CFAP99: variants seen among roughly 807,000 people sequenced by gnomAD.
The protein encoded by CFAP99 is cilia and flagella associated protein 99.
In CFAP99, 84 loss-of-function variants were observed where a neutral mutation model predicts 82.7. The ratio of observed to expected loss-of-function variants is 1.02; its 90% confidence interval spans 0.85 to 1.22. CFAP99 has a LOEUF of 1.22. Ranked by LOEUF, CFAP99 falls within the 50% of genes most tolerant of loss-of-function variation. The probability of loss-of-function intolerance (pLI) is 0.00; values close to 1 mark genes in which losing one functional copy is unlikely to be tolerated. For missense variants in CFAP99, 1,059 were observed against 983.5 expected (o/e 1.08, Z -1.03); for synonymous variants, 456 against 429.5 (o/e 1.06, Z -0.76).
intron 13 of CFAP99, 119 bp from the exon 14 acceptor site, chr4:2,459,918 T>C (rs752873160): frequency 1.7e-5 from 14 of 834,892 alleles, no homozygotes; most frequent in South Asian, 3.0e-5. Flanking sequence ...TCATAAGCAG[T>C]GTTGAAGCAG....
intron 6 of CFAP99, 54 bp downstream of exon 6, chr4:2,445,362 G>C: frequency 7.8e-7 from 1 of 1,275,108 alleles, no homozygotes; most frequent in South Asian, 2.8e-5. Context: ...GGGTAGCCAA[G>C]CTGGGAGAGT....
intron 4 of CFAP99, among the ~76,000 whole-genome samples, chr4:2,439,171 C>T (rs867811642): frequency 5.3e-5 from 8 of 152,230 alleles, no homozygotes; most frequent in South Asian, 2.1e-4. Context: ...ATTCTTACAA[C>T]GACCCAGTGA....
At chr4:2,433,932 G>T (rs1290563915) in intron 2 of CFAP99, among the ~76,000 whole-genome samples, 2 of 152,230 alleles carry the variant, frequency 1.3e-5, no homozygotes, top group African/African-American at 2.4e-5. Context: ...TGGCCACGGT[G>T]AGGAAGGACG....
At chr4:2,438,103 A>T (rs1363296501) in exon 4 of CFAP99, 2 of 1,535,262 alleles carry the variant, frequency 1.3e-6, no homozygotes, top group Non-Finnish European at 1.7e-6. Context: ...CTGCTGGAGG[A>T]ACTCGGCTTC....
intron 11 of CFAP99, among the ~76,000 whole-genome samples, chr4:2,456,574 C>T (rs892338765): frequency 6.6e-6 from 1 of 152,128 alleles, no homozygotes; most frequent in Non-Finnish European, 1.5e-5. Context: ...GGCTGGAGTG[C>T]AATGGTGCGA....
intron 1 of CFAP99, among the ~76,000 whole-genome samples, chr4:2,426,258 T>C (rs733033): frequency 0.31 from 46,786 of 151,836 alleles, 8,186 homozygotes; most frequent in East Asian, 0.52. Context: ...GACATGCACC[T>C]TGGGGTACCT....
exon 12 of CFAP99, chr4:2,458,745 G>T: frequency 2.0e-6 from 3 of 1,535,304 alleles, no homozygotes; most frequent in Non-Finnish European, 2.6e-6. Context: ...ATGCTGCAGC[G>T]TGCAGAGAGA....
chr4:2,424,256 T>TA (rs1323937628), intron 1 of CFAP99, among the ~76,000 whole-genome samples: 2 of 152,088 alleles, frequency 1.3e-5, no homozygotes, highest in East Asian at 3.9e-4. Flanking sequence ...CTGTCTCTCC[T>TA]AAAAAAATAC....
At chr4:2,451,778 C>T (rs1734309008) in intron 10 of CFAP99, among the ~76,000 whole-genome samples, 3 of 152,060 alleles carry the variant, frequency 2.0e-5, no homozygotes, top group South Asian at 2.1e-4. Context: ...GTGGAGTGGA[C>T]GCACAGATGG....
At chr4:2,424,055 T>C (rs1025222940) in intron 1 of CFAP99, among the ~76,000 whole-genome samples, 16 of 152,256 alleles carry the variant, frequency 1.1e-4, no homozygotes, top group African/African-American at 3.9e-4. Flanking sequence ...GCCTTTCTTC[T>C]GGCCTCCTTA....
At chr4:2,459,461 C>T (rs1409412568) in intron 13 of CFAP99, among the ~76,000 whole-genome samples, 2 of 152,224 alleles carry the variant, frequency 1.3e-5, no homozygotes, top group Non-Finnish European at 2.9e-5. Context: ...GCGGGCAAGG[C>T]ACACACTTAG....
intron 2 of CFAP99, among the ~76,000 whole-genome samples, chr4:2,432,709 T>C (rs1381417439): frequency 6.6e-6 from 1 of 152,204 alleles, no homozygotes; most frequent in East Asian, 1.9e-4. Flanking sequence ...CCCTTTGCTA[T>C]TGAGTGCCTG....
chr4:2,458,955 T>G (rs953711848), intron 12 of CFAP99, 91 bp downstream of exon 12: 22 of 1,468,922 alleles, frequency 1.5e-5, no homozygotes, highest in Non-Finnish European at 1.9e-5. Flanking sequence ...CCACTATGGC[T>G]GTCCAGGGTC....
At chr4:2,459,077 G>A in intron 12 of CFAP99, 30 bp from the exon 13 acceptor site, 2 of 1,483,832 alleles carry the variant, frequency 1.3e-6, no homozygotes, top group South Asian at 1.3e-5. Context: ...CCACCCACCA[G>A]CCACCTCAGC....
chr4:2,457,310 C>A (rs1305735074), intron 11 of CFAP99, among the ~76,000 whole-genome samples: 2 of 152,198 alleles, frequency 1.3e-5, no homozygotes, highest in Non-Finnish European at 2.9e-5. Context: ...CTTTTTTCCA[C>A]TTGATTCTGG....
intron 1 of CFAP99, among the ~76,000 whole-genome samples, chr4:2,421,500 C>A (rs1231891176): frequency 1.3e-5 from 2 of 151,938 alleles, no homozygotes; most frequent in Admixed American, 1.3e-4. Context: ...ATTACAGGCA[C>A]CTGCCACCAC....
chr4:2,438,971 T>A (rs1023905544), intron 4 of CFAP99, among the ~76,000 whole-genome samples: 15 of 152,058 alleles, frequency 9.9e-5, no homozygotes, highest in Non-Finnish European at 1.5e-4. Flanking sequence ...GGGCCAGTGA[T>A]GAGGATTGGC....
chr4:2,449,230 A>G (rs1578477822), intron 6 of CFAP99, among the ~76,000 whole-genome samples: 1 of 152,090 alleles, frequency 6.6e-6, no homozygotes, highest in East Asian at 1.9e-4. Context: ...TGGCCTCTGC[A>G]GTGTCCCCTC....
Position 2,462,906 on chromosome 4 carries a change from CGCCGCCTGGAG to C in CFAP99, c.2134_2144del (p.Glu712SerfsTer?), listed in dbSNP as rs1201815840. The C allele has an allele frequency of 3.0e-6, 4 of 1,313,932 alleles. No individual in the cohort carries two copies. The highest frequency in any genetic ancestry group is 6.4e-5 in the East Asian group (2 of 31,254). The allele number at this position is 1,313,932 out of a possible 1,614,324, so 81.4% of individuals were successfully genotyped here. On this transcript the variant is annotated frameshift_variant, in exon 15 of 15. Coordinates refer to ENST00000635017, the Ensembl canonical transcript of CFAP99. LOFTEE classifies it high-confidence loss of function. This position sits in a 1 kb window ranked among gnomAD's most constrained non-coding sequence, Gnocchi z 4.1. ...GGGAGGCTCAGGACCCGGGCCCGCG[CGCCGCCTGGAG>C]GCCGCCTGAGCCGGGCCGAGCGCGC...
Sources: gnomAD v4.1 joint callset for allele counts (sites outside exome capture counted in the v4.1 genomes callset) on GRCh38, gnomAD v4.1.1 for gene constraint, Gnocchi (gnomAD v3.1) non-coding constraint, MANE v1.5 for transcripts, NCBI Gene and HGNC (gene_info 2026-07-23, HGNC 2026-07-21) for gene names.